The following POLN variants were observed in gnomAD, a reference collection of about 807,000 sequenced individuals.
POLN encodes DNA polymerase N.
In POLN, 108 loss-of-function variants were observed where a neutral mutation model predicts 113.5. That is an observed-to-expected ratio of 0.95 (90% CI 0.81 to 1.12). The LOEUF (loss-of-function observed/expected upper bound fraction) is 1.12, where lower values mean the gene tolerates loss of function less well. POLN is among the 50% of genes most tolerant of loss of function. The pLI is 0.00. For missense variants in POLN, 1,097 were observed against 1,077.1 expected, an observed-to-expected ratio of 1.02 and a Z score of -0.26; for synonymous variants, 386 against 391.5, an observed-to-expected ratio of 0.99 and a Z score of 0.17.
In POLN at chr4:2,081,148, C is replaced by T. The variant is rs138933124; in HGVS notation, c.2309-112G>A. The T allele has an allele frequency of 8.1e-6, 13 of 1,600,384 alleles. No individual in the cohort carries two copies. In the African/African-American group the frequency reaches 1.6e-4, roughly 20 times the overall value. On this transcript the variant is annotated intron_variant, in intron 22 of 25. Transcript: ENST00000511885. ...CGGTACCTCCACACAGAGGTGCTGG[C>T]TCTGAGCTGTCTGAGTGCCAGGGCC...
chr4:2,200,646 A>G (rs995517419), intron 5 of POLN, among the ~76,000 whole-genome samples: 6 of 152,186 alleles, frequency 3.9e-5, no homozygotes, highest in African/African-American at 1.4e-4. Flanking sequence ...TCAGGAAGCC[A>G]CATCCCTAGG....
intron 5 of POLN, among the ~76,000 whole-genome samples, chr4:2,201,585 C>T (rs191406767): frequency 6.6e-6 from 1 of 152,088 alleles, no homozygotes; most frequent in African/African-American, 2.4e-5. Flanking sequence ...AATTGGCATT[C>T]CTGAGGAAGA....
intron 7 of POLN, among the ~76,000 whole-genome samples, chr4:2,182,990 G>A (rs1733181693): frequency 6.6e-6 from 1 of 152,006 alleles, no homozygotes; most frequent in African/African-American, 2.4e-5. Flanking sequence ...TTTAAAATGG[G>A]CAAAATATTT....
intron 5 of POLN, among the ~76,000 whole-genome samples, chr4:2,204,109 C>CAA (rs566255148): frequency 1.9e-3 from 99 of 53,230 alleles, no homozygotes; most frequent in African/African-American, 4.8e-3. Flanking sequence ...AACTCTATCA[C>CAA]AAAAAAAAAA....
At chr4:2,204,808 T>G (rs1291982727) in intron 5 of POLN, among the ~76,000 whole-genome samples, 1 of 152,176 alleles carries the variant, frequency 6.6e-6, no homozygotes. Flanking sequence ...ATAAATGTGA[T>G]ATACCACATA....
intron 7 of POLN, among the ~76,000 whole-genome samples, chr4:2,189,660 A>T (rs1560087844): frequency 6.6e-6 from 1 of 151,878 alleles, no homozygotes; most frequent in Non-Finnish European, 1.5e-5. Flanking sequence ...AAAGAAAAAA[A>T]ATCAATGTTA....
At chr4:2,105,926 G>A (rs1022695757) in intron 19 of POLN, among the ~76,000 whole-genome samples, 2 of 152,130 alleles carry the variant, frequency 1.3e-5, no homozygotes, top group Non-Finnish European at 2.9e-5. Context: ...CCTCCATATT[G>A]CTGAACTTGA....
intron 21 of POLN, among the ~76,000 whole-genome samples, 179 bp from the exon 22 acceptor site, chr4:2,081,922 G>A (rs954331838): frequency 2.6e-5 from 4 of 151,578 alleles, no homozygotes; most frequent in South Asian, 2.1e-4. Context: ...GTGGGAAAGC[G>A]AGGGTCTGAG....
At chr4:2,182,684 C>A (rs182580426) in intron 7 of POLN, among the ~76,000 whole-genome samples, 1 of 152,052 alleles carries the variant, frequency 6.6e-6, no homozygotes, top group African/African-American at 2.4e-5. Flanking sequence ...GGATCATAAG[C>A]CTAACCTCAG....
intron 20 of POLN, among the ~76,000 whole-genome samples, chr4:2,091,962 A>G (rs628298): frequency 0.84 from 128,132 of 152,178 alleles, 54,522 homozygotes; most frequent in Non-Finnish European, 0.9. Context: ...CTGTGGGAAC[A>G]TGGGCTGGTC....
At chr4:2,200,128 A>T (rs997831671) in intron 5 of POLN, among the ~76,000 whole-genome samples, 2 of 152,186 alleles carry the variant, frequency 1.3e-5, no homozygotes, top group African/African-American at 4.8e-5. Context: ...GATTTAACAC[A>T]ATTTATATCA....
chr4:2,088,965 A>T lies in POLN; in HGVS notation c.2066-3221T>A, dbSNP rs1228581999. The T allele has an allele frequency of 1.4e-5, 13 of 928,704 alleles. No homozygotes were observed. The Admixed American group carries it at 2.2e-4, about 16-fold the overall frequency. 57.5% of individuals were successfully genotyped at this position (928,704 alleles called of 1,614,324 possible). A position where few individuals can be genotyped will look rare whatever the true frequency, so the allele number is the denominator to read the frequency against. On this transcript the variant is annotated intron_variant, in intron 20 of 25. Coordinates refer to ENST00000511885, the MANE Select transcript of POLN (RefSeq NM_181808.4). ...GCAACGGCCTTGGTCCGAGACAGAG[A>T]AAAAGGTGGTTTCCTAGTCAGACAG...
Position 2,170,772 on chromosome 4 carries a change from G to C in POLN, c.1461C>G (p.Ile487Met). The change falls in exon 13 of 26, where the codon ATC becomes ATG. Residue 487 changes from isoleucine to methionine, a missense_variant and splice_region_variant. Transcript: ENST00000511885. ...GGTGCAGCTTTAACTTGCCAAAGAG[G>C]ATCTTCAACAAAACAAATTAAACAT... The part of the protein sequence containing the change: ...LITSNNQLRE[I>M]LFGKLKLHLL... 1.9e-6 allele frequency: 3 copies of C among 1,613,208 alleles called. No individual in the cohort carries two copies. The highest frequency in any genetic ancestry group is 2.5e-6 in the Non-Finnish European group (3 of 1,179,168).
At chr4:2,166,039 C>T (rs1732720366) in intron 13 of POLN, among the ~76,000 whole-genome samples, 1 of 152,092 alleles carries the variant, frequency 6.6e-6, no homozygotes, top group South Asian at 2.1e-4. Flanking sequence ...AGCCTCCCAA[C>T]GTGCTGGGAT....
At chr4:2,129,738 G>A (rs1197866080) in intron 17 of POLN, among the ~76,000 whole-genome samples, 1 of 152,038 alleles carries the variant, frequency 6.6e-6, no homozygotes, top group African/African-American at 2.4e-5. Context: ...AGTTAACTAG[G>A]TTTTCTGTTT....
At chr4:2,122,881 G>A (rs925839802) in intron 19 of POLN, among the ~76,000 whole-genome samples, 3 of 152,140 alleles carry the variant, frequency 2.0e-5, no homozygotes, top group Admixed American at 2.0e-4. Context: ...GACCAGGGGC[G>A]GTAGCTCACA....
At chr4:2,153,527 T>C (rs545536517) in intron 16 of POLN, among the ~76,000 whole-genome samples, 18 of 152,218 alleles carry the variant, frequency 1.2e-4, no homozygotes, top group Non-Finnish European at 1.9e-4. Context: ...GACTTTTTAC[T>C]TTGTTACTTA....
intron 4 of POLN, among the ~76,000 whole-genome samples, chr4:2,209,370 C>A (rs1733933772): frequency 6.6e-6 from 1 of 150,870 alleles, no homozygotes; most frequent in African/African-American, 2.4e-5. Context: ...ATCCCAGCTA[C>A]TCAGGAGGCT....
chr4:2,197,452 G>T (rs111237456), intron 6 of POLN, among the ~76,000 whole-genome samples: 2 of 152,186 alleles, frequency 1.3e-5, no homozygotes, highest in Non-Finnish European at 2.9e-5. Flanking sequence ...TAAGCTCATG[G>T]AGGGCTGACA....
Sources: gnomAD v4.1 joint callset for allele counts (sites outside exome capture counted in the v4.1 genomes callset) on GRCh38, gnomAD v4.1.1 for gene constraint, MANE v1.5 for transcripts, NCBI Gene and HGNC (gene_info 2026-07-23, HGNC 2026-07-21) for gene names.